KAZN: variants seen among roughly 807,000 people sequenced by gnomAD.
KAZN encodes kazrin, periplakin interacting protein.
KAZN carries 40 observed loss-of-function variants against 87.4 expected under a neutral mutation model. The observed-to-expected ratio is 0.46, with a 90% CI of 0.36 to 0.60. The LOEUF (loss-of-function observed/expected upper bound fraction) is 0.60, where lower values mean the gene tolerates loss of function less well. Among genes scored for constraint, KAZN ranks in the 20% least tolerant of loss-of-function variants. The pLI, the probability that KAZN is intolerant of heterozygous loss-of-function variation, is 0.00. For missense variants in KAZN, 898 were observed against 1,073.9 expected (o/e 0.84, Z 2.29); for synonymous variants, 466 against 458.3 (o/e 1.02, Z -0.22).
intron 2 of KAZN, among the ~76,000 whole-genome samples, chr1:14,461,858 G>C (rs192606068): frequency 8.6e-4 from 131 of 152,042 alleles, no homozygotes; most frequent in East Asian, 2.5e-3. Flanking sequence ...ACATTCCTGG[G>C]AGGGACCTGC....
intron 2 of KAZN, among the ~76,000 whole-genome samples, chr1:14,506,791 G>A (rs1273629270): frequency 6.6e-6 from 1 of 152,220 alleles, no homozygotes; most frequent in Non-Finnish European, 1.5e-5. Flanking sequence ...CTGTGTGTAT[G>A]TATATATAAA....
intron 1 of KAZN, among the ~76,000 whole-genome samples, chr1:14,170,964 A>G (rs937433257): frequency 6.6e-6 from 1 of 152,160 alleles, no homozygotes; most frequent in African/African-American, 2.4e-5. Flanking sequence ...CACCCATCTC[A>G]GCCTCCCAAA....
At chr1:14,207,749 C>T (rs1009352951) in intron 2 of KAZN, among the ~76,000 whole-genome samples, 1 of 152,132 alleles carries the variant, frequency 6.6e-6, no homozygotes, top group African/African-American at 2.4e-5. Context: ...TGCCCAGGGA[C>T]ATTCTAATAT....
At chr1:15,049,056 G>A (rs923052830) in intron 4 of KAZN, among the ~76,000 whole-genome samples, 8 of 152,218 alleles carry the variant, frequency 5.3e-5, no homozygotes, top group African/African-American at 1.9e-4. Context: ...CGGTTTCGGA[G>A]CTGGAGATCA....
At chr1:14,962,488 C>T (rs1305852277) in intron 2 of KAZN, among the ~76,000 whole-genome samples, 1 of 152,198 alleles carries the variant, frequency 6.6e-6, no homozygotes, top group African/African-American at 2.4e-5. Context: ...GCAGTCTAGG[C>T]AGATCTGTGT....
intron 2 of KAZN, among the ~76,000 whole-genome samples, chr1:14,997,345 A>G (rs1018778306): frequency 6.6e-6 from 1 of 151,058 alleles, no homozygotes; most frequent in African/African-American, 2.4e-5. Context: ...GGTTCGAGCG[A>G]TTCTCCTGCC....
intron 1 of KAZN, among the ~76,000 whole-genome samples, chr1:13,950,650 C>T (rs561642715): frequency 6.6e-6 from 1 of 152,214 alleles, no homozygotes; most frequent in African/African-American, 2.4e-5. Flanking sequence ...TTATTATAAC[C>T]CTCAGGCCTG....
intron 1 of KAZN, among the ~76,000 whole-genome samples, chr1:14,041,061 A>G (rs1216333212): frequency 2.6e-5 from 4 of 152,192 alleles, no homozygotes; most frequent in Non-Finnish European, 5.9e-5. Flanking sequence ...TGGCAGCTTC[A>G]CTTTGCTCCT....
chr1:14,832,014 G>C (rs559393567), intron 1 of KAZN, among the ~76,000 whole-genome samples: 2 of 152,198 alleles, frequency 1.3e-5, no homozygotes, highest in African/African-American at 4.8e-5. Context: ...GGCCAACGTG[G>C]TGAAACCCCA....
At chr1:14,326,606 G>A (rs141542854) in intron 2 of KAZN, among the ~76,000 whole-genome samples, 9 of 152,098 alleles carry the variant, frequency 5.9e-5, no homozygotes, top group African/African-American at 1.9e-4. Context: ...AATCCCTCCC[G>A]TCTCACACAA....
intron 1 of KAZN, among the ~76,000 whole-genome samples, chr1:14,749,814 G>A (rs7521419): frequency 0.034 from 5,192 of 152,120 alleles, 292 homozygotes; most frequent in African/African-American, 0.12. Context: ...CTTGGGAGTC[G>A]TATCACCTCT....
intron 2 of KAZN, among the ~76,000 whole-genome samples, chr1:14,447,211 T>TATTATC (rs1430077505): frequency 3.1e-5 from 1 of 32,172 alleles, no homozygotes; most frequent in African/African-American, 6.3e-5. Context: ...TCCACCACAT[T>TATTATC]ATTATTATTA....
At chr1:14,036,290 T>C (rs1641555261) in intron 1 of KAZN, among the ~76,000 whole-genome samples, 1 of 152,140 alleles carries the variant, frequency 6.6e-6, no homozygotes, top group Non-Finnish European at 1.5e-5. Context: ...AAGACCTTTA[T>C]TGGGAGATGC....
At chr1:14,421,828 C>G (rs974631158) in intron 2 of KAZN, among the ~76,000 whole-genome samples, 4 of 152,140 alleles carry the variant, frequency 2.6e-5, no homozygotes, top group African/African-American at 9.7e-5. Context: ...CCTTAGTCCC[C>G]TCCCCTCCCC....
chr1:14,683,647 A>G (rs1280108380), intron 1 of KAZN, among the ~76,000 whole-genome samples: 9 of 152,186 alleles, frequency 5.9e-5, no homozygotes, highest in Non-Finnish European at 1.2e-4. Flanking sequence ...AGCTCTGTTA[A>G]AGCAGGGACT....
intron 2 of KAZN, among the ~76,000 whole-genome samples, chr1:14,314,356 C>T (rs1655506318): frequency 6.6e-6 from 1 of 152,178 alleles, no homozygotes; most frequent in Admixed American, 6.6e-5. Flanking sequence ...AATTTCCACT[C>T]CTTCCACATT....
chr1:14,277,628 A>C (rs1479213877), intron 2 of KAZN, among the ~76,000 whole-genome samples: 2 of 149,652 alleles, frequency 1.3e-5, no homozygotes, highest in Admixed American at 1.3e-4. Context: ...GTGCCATTGC[A>C]CTCCAGCCTG....
At chr1:14,497,720 T>C (rs1282944602) in intron 2 of KAZN, among the ~76,000 whole-genome samples, 1 of 152,118 alleles carries the variant, frequency 6.6e-6, no homozygotes, top group Non-Finnish European at 1.5e-5. Context: ...TCTGGAAGAC[T>C]TAGAGGGTTA....
intron 2 of KAZN, among the ~76,000 whole-genome samples, chr1:14,376,654 A>T (rs1005546408): frequency 6.6e-6 from 1 of 152,224 alleles, no homozygotes; most frequent in African/African-American, 2.4e-5. Context: ...AATGATGAGA[A>T]ATAAATTCTA....
Sources: gnomAD v4.1 joint callset for allele counts (sites outside exome capture counted in the v4.1 genomes callset) on GRCh38, gnomAD v4.1.1 for gene constraint, MANE v1.5 for transcripts, NCBI Gene and HGNC (gene_info 2026-07-23, HGNC 2026-07-21) for gene names.